The following MAPK6 variants were observed in gnomAD, a reference collection of about 807,000 sequenced individuals.
MAPK6 encodes the protein ERK-3.
Under a neutral mutation model 59.3 loss-of-function variants are expected in MAPK6, and 19 were observed. That is an observed-to-expected ratio of 0.32 (90% CI 0.22 to 0.47). The LOEUF is 0.47. Among genes scored for constraint, MAPK6 ranks in the 20% least tolerant of loss-of-function variants. The pLI, the probability that MAPK6 is intolerant of heterozygous loss-of-function variation, is 1.00. For missense variants in MAPK6, 724 were observed against 847.9 expected (o/e 0.85, Z 1.81); for synonymous variants, 316 against 290.3 (o/e 1.09, Z -0.90).
intron 1 of MAPK6, among the ~76,000 whole-genome samples, chr15:52,026,044 G>A (rs941706416): frequency 1.3e-5 from 2 of 152,196 alleles, no homozygotes; most frequent in Non-Finnish European, 2.9e-5. Context: ...CAATAAAGTA[G>A]ATAATCTAAG....
chr15:52,012,982 G>C (rs561035148), intron 3 of MAPK6, among the ~76,000 whole-genome samples: 1 of 81,832 alleles, frequency 1.2e-5, no homozygotes, highest in African/African-American at 5.2e-5. Flanking sequence ...GTGAGACTCC[G>C]CCTGGAAAAA....
chr15:51,978,774 C>T (rs532059372), intron 1 of MAPK6, among the ~76,000 whole-genome samples: 1 of 151,810 alleles, frequency 6.6e-6, no homozygotes, highest in South Asian at 2.1e-4. Context: ...ATTCCATTTT[C>T]ACAACAACCC....
At chr15:52,054,693 G>A (rs189212549) in intron 3 of MAPK6, among the ~76,000 whole-genome samples, 36 of 150,550 alleles carry the variant, frequency 2.4e-4, no homozygotes, top group African/African-American at 8.1e-4. Context: ...TTACCTTCTC[G>A]AATGAACAAG....
upstream of MAPK6, among the ~76,000 whole-genome samples, chr15:52,016,607 C>T (rs1190202125): frequency 6.6e-6 from 1 of 152,118 alleles, no homozygotes; most frequent in East Asian, 1.9e-4. Flanking sequence ...GTAAACAGCC[C>T]TCTGTTCTAC....
chr15:52,023,736 C>T (rs532456908), intron 1 of MAPK6, among the ~76,000 whole-genome samples: 69 of 152,324 alleles, frequency 4.5e-4, no homozygotes, highest in African/African-American at 1.5e-3. Context: ...TTCAGCCTCC[C>T]GAGTAGCTGG....
rs2032439744 is a variant in MAPK6 at position 52,066,933 on chromosome 15, T to TA, written c.*1934dup. 2 of 152,172 alleles carry TA rather than the reference T, an allele frequency of 1.3e-5. No homozygotes were observed. Among genetic ancestry groups the TA allele is most frequent in the Admixed American group, 1.3e-4 (2 of 15,266 alleles). The allele number at this position is 152,172 out of a possible 1,614,324, so 9.4% of individuals were successfully genotyped here. On this transcript the variant is annotated 3_prime_UTR_variant, in exon 6 of 6. Transcript: ENST00000261845. ...GGGGAAAAAAAAAATGGGACACTTT[T>TA]AGTTGGAGCTGGGTGGGGTGACAAG...
intron 3 of MAPK6, among the ~76,000 whole-genome samples, chr15:52,010,011 T>G (rs2030008323): frequency 6.6e-6 from 1 of 152,126 alleles, no homozygotes; most frequent in Non-Finnish European, 1.5e-5. Context: ...GACCTTGTGA[T>G]CCACCTGCCT....
At chr15:51,980,933 C>T (rs1035902717) in intron 1 of MAPK6, among the ~76,000 whole-genome samples, 2 of 151,538 alleles carry the variant, frequency 1.3e-5, no homozygotes, top group African/African-American at 4.8e-5. Flanking sequence ...CTCATGGAAG[C>T]ATTTGCAGGG....
intron 1 of MAPK6, 58 bp downstream of exon 1, chr15:52,019,434 CGCGGCGGGCCCGGCGGCGGCGGCGGCG>C (rs1228203016): frequency 3.0e-4 from 44 of 145,232 alleles, no homozygotes; most frequent in Admixed American, 2.9e-3. Context: ...GGGAGGGCGC[CGCGGCGGGCCCGGCGGCGGCGGCGGCG>C]GCGGCGACGG....
At chr15:52,009,778 T>G (rs922829643) in intron 3 of MAPK6, among the ~76,000 whole-genome samples, 8 of 152,098 alleles carry the variant, frequency 5.3e-5, no homozygotes, top group Non-Finnish European at 1.0e-4. Flanking sequence ...AGCAATTTTT[T>G]TTTTCTTTTT....
intron 2 of MAPK6, among the ~76,000 whole-genome samples, chr15:52,002,519 G>C (rs1451682023): frequency 6.6e-6 from 1 of 152,192 alleles, no homozygotes; most frequent in Non-Finnish European, 1.5e-5. Context: ...GAGGGCCCTT[G>C]GGATCGACAT....
At chr15:51,978,938 TAGTG>T (rs1421344653) in intron 1 of MAPK6, among the ~76,000 whole-genome samples, 1 of 150,430 alleles carries the variant, frequency 6.6e-6, no homozygotes, top group Non-Finnish European at 1.5e-5. Context: ...CTGGGCAACA[TAGTG>T]AGACCTGGTC....
chr15:52,025,055 A>G (rs946180505), intron 1 of MAPK6, among the ~76,000 whole-genome samples: 1 of 151,996 alleles, frequency 6.6e-6, no homozygotes, highest in Non-Finnish European at 1.5e-5. Context: ...CACCTGGGCA[A>G]CATAGTGAGA....
intron 3 of MAPK6, among the ~76,000 whole-genome samples, chr15:52,050,566 TGA>T (rs376315472): frequency 5.9e-5 from 9 of 152,200 alleles, no homozygotes; most frequent in African/African-American, 1.9e-4. Flanking sequence ...AAGAAGTGTG[TGA>T]GAGAGGACTT....
At chr15:52,059,923 A>G (rs972476092) in intron 4 of MAPK6, among the ~76,000 whole-genome samples, 1 of 152,248 alleles carries the variant, frequency 6.6e-6, no homozygotes, top group African/African-American at 2.4e-5. Flanking sequence ...GGTAAAAAGA[A>G]TACATGTTCT....
At chr15:52,063,124 A>T (rs149993048) in intron 5 of MAPK6, among the ~76,000 whole-genome samples, 3 of 152,064 alleles carry the variant, frequency 2.0e-5, no homozygotes, top group Non-Finnish European at 4.4e-5. Flanking sequence ...CTGGAGTGCA[A>T]TGGTGCCCAT....
intron 1 of MAPK6, among the ~76,000 whole-genome samples, chr15:52,022,891 C>G (rs2030590619): frequency 6.6e-6 from 1 of 151,820 alleles, no homozygotes; most frequent in South Asian, 2.1e-4. Flanking sequence ...AGGCAGATCA[C>G]GAGGTCAGGA....
upstream of MAPK6, among the ~76,000 whole-genome samples, chr15:52,016,070 G>GCGCACGCACACA: frequency 1.8e-5 from 1 of 55,392 alleles, no homozygotes; most frequent in African/African-American, 7.0e-5. Flanking sequence ...GCGCGCGCGC[G>GCGCACGCACACA]CACACACACA....
chr15:51,977,896 G>A (rs1347420017), intron 1 of MAPK6, among the ~76,000 whole-genome samples: 1 of 151,784 alleles, frequency 6.6e-6, no homozygotes, highest in African/African-American at 2.4e-5. Context: ...GCCCAGCTGA[G>A]CCTTTCCTCA....
Sources: gnomAD v4.1 joint callset for allele counts (sites outside exome capture counted in the v4.1 genomes callset) on GRCh38, gnomAD v4.1.1 for gene constraint, MANE v1.5 for transcripts, NCBI Gene and HGNC (gene_info 2026-07-23, HGNC 2026-07-21) for gene names.